SYNJ1: variants seen among roughly 807,000 people sequenced by gnomAD.
SYNJ1 encodes polyphosphatidylinositol phosphatase SYNJ1.
In SYNJ1, 78 loss-of-function variants were observed where a neutral mutation model predicts 168.2. The observed-to-expected ratio is 0.46, with a 90% CI of 0.39 to 0.56. The LOEUF is 0.56. Ranked by LOEUF, SYNJ1 falls within the 20% of genes least tolerant of loss-of-function variation. The probability of loss-of-function intolerance (pLI) is 0.00; values close to 1 mark genes in which losing one functional copy is unlikely to be tolerated. For missense variants in SYNJ1, 1,303 were observed against 1,597.6 expected (o/e 0.82, Z 3.14); for synonymous variants, 539 against 548.6 (o/e 0.98, Z 0.24).
At chr21:32,700,643 TA>T (rs2042366700) in intron 3 of SYNJ1, among the ~76,000 whole-genome samples, 2 of 152,036 alleles carry the variant, frequency 1.3e-5, no homozygotes, top group South Asian at 2.1e-4. Flanking sequence ...CAACAGGAGC[TA>T]AAACTACGTC....
intron 15 of SYNJ1, among the ~76,000 whole-genome samples, chr21:32,667,558 T>C (rs2145934162): frequency 6.6e-6 from 1 of 152,284 alleles, no homozygotes; most frequent in African/African-American, 2.4e-5. Flanking sequence ...TTGCATTTGC[T>C]TGTCATGTCT....
chr21:32,716,364 T>C (rs1394072023), intron 2 of SYNJ1, among the ~76,000 whole-genome samples: 3 of 152,230 alleles, frequency 2.0e-5, no homozygotes, highest in African/African-American at 7.2e-5. Context: ...TTAGCTCATA[T>C]TTTTTCAACC....
chr21:32,706,521 A>AG lies in SYNJ1; in HGVS notation c.125-4475dup, dbSNP rs1196909201. Reference sequence around the variant, plus strand: ...CAAAAAAAAAAAAAAAGAAGTCCAGAGGAAAAAAAGTTATTTGTACTATAC... The same window carrying AG: ...CAAAAAAAAAAAAAAAGAAGTCCAGAGGGAAAAAAAGTTATTTGTACTATAC... On this transcript the variant is annotated intron_variant, in intron 2 of 32. Coordinates refer to ENST00000674351, the MANE Select transcript of SYNJ1 (RefSeq NM_203446.3). Among the ~76,000 whole-genome samples the AG allele has an allele frequency of 5.9e-5, 9 of 151,688 alleles. No homozygotes were observed. In the East Asian group the frequency reaches 1.5e-3, roughly 26 times the overall value.
chr21:32,691,711 A>C (rs927020746), intron 6 of SYNJ1, among the ~76,000 whole-genome samples: 4 of 152,204 alleles, frequency 2.6e-5, no homozygotes, highest in African/African-American at 9.6e-5. Context: ...AAACAAATTC[A>C]TCTTGGTATT....
At chr21:32,703,302 T>TA (rs1294711447) in intron 2 of SYNJ1, among the ~76,000 whole-genome samples, 2 of 152,252 alleles carry the variant, frequency 1.3e-5, no homozygotes, top group Non-Finnish European at 1.5e-5. Flanking sequence ...GCCAACCCGT[T>TA]AAAGTGATGG....
intron 2 of SYNJ1, among the ~76,000 whole-genome samples, chr21:32,716,076 A>T (rs548882225): frequency 6.6e-4 from 100 of 152,348 alleles, no homozygotes; most frequent in African/African-American, 2.3e-3. Context: ...AAAAGATAAA[A>T]TACAAATTCT....
intron 27 of SYNJ1, among the ~76,000 whole-genome samples, chr21:32,642,979 A>G (rs2039907676): frequency 6.6e-6 from 1 of 152,226 alleles, no homozygotes; most frequent in South Asian, 2.1e-4. Flanking sequence ...TAGCTATGTT[A>G]TCTGAAATCA....
intron 22 of SYNJ1, among the ~76,000 whole-genome samples, chr21:32,652,233 C>T (rs1601290133): frequency 1.3e-5 from 2 of 151,032 alleles, no homozygotes; most frequent in African/African-American, 4.9e-5. Flanking sequence ...CAGAGTCTCG[C>T]TCTGTTGCCC....
At chr21:32,651,491 T>C (rs2040267628) in intron 22 of SYNJ1, among the ~76,000 whole-genome samples, 1 of 152,230 alleles carries the variant, frequency 6.6e-6, no homozygotes, top group Non-Finnish European at 1.5e-5. Flanking sequence ...ATCCTTTACT[T>C]GCCAAGTAGA....
chr21:32,708,247 A>G (rs1244110534), intron 2 of SYNJ1, among the ~76,000 whole-genome samples: 2 of 152,192 alleles, frequency 1.3e-5, no homozygotes, highest in Non-Finnish European at 2.9e-5. Flanking sequence ...AGCTCAGAGG[A>G]AACAAACTGA....
rs932881262 is a variant in SYNJ1, at chr21:32,727,984, G to C, written c.-61C>G. The C allele has an allele frequency of 2.6e-6, 4 of 1,535,128 alleles. No homozygotes were observed. The highest frequency in any genetic ancestry group is 3.5e-6 in the Non-Finnish European group (4 of 1,145,838). ...TCCTCCTCCTCCTTCTCCCGCAGCC[G>C]CCGCCACAGCCGCCGGGAGCGTCAC... is the stretch of plus-strand genomic sequence containing the variant. On this transcript the variant is annotated 5_prime_UTR_variant, in exon 1 of 33. Coordinates refer to ENST00000674351, the MANE Select transcript of SYNJ1 (RefSeq NM_203446.3).
intron 6 of SYNJ1, among the ~76,000 whole-genome samples, chr21:32,690,980 G>A (rs1328313142): frequency 6.6e-6 from 1 of 152,128 alleles, no homozygotes; most frequent in Non-Finnish European, 1.5e-5. Context: ...TGTGTGGTAT[G>A]GTATATCATT....
At chr21:32,695,432 A>G (rs901079782) in intron 4 of SYNJ1, 150 bp from the exon 5 acceptor site, 3 of 754,344 alleles carry the variant, frequency 4.0e-6, no homozygotes, top group African/African-American at 3.5e-5. Context: ...TATGCTAGGG[A>G]TCAGAAGATA....
intron 4 of SYNJ1, among the ~76,000 whole-genome samples, chr21:32,697,570 G>A (rs118025352): frequency 6.6e-6 from 1 of 151,872 alleles, no homozygotes; most frequent in African/African-American, 2.4e-5. Context: ...AGGCTAAGGT[G>A]GGGGGGATCA....
chr21:32,695,181 G>A lies in SYNJ1; in HGVS notation c.581C>T (p.Ala194Val). ...GCAAGCCTTCGCCTGTTTATGAGCA[G>A]CATAAATTGTTCTGATTTCTACTCC... ...CGGVEIRTIY[A>V]AHKQAKACLI... Residue 194 changes from alanine (A) to valine (V), a missense_variant, in exon 5 of 33, where the codon GCT becomes GTT. Around this residue, in one of 2 missense-constraint regions of SYNJ1, gnomAD observed 920 missense variants for 1,208.8 expected, o/e 0.76. Coordinates refer to ENST00000674351, the MANE Select transcript of SYNJ1 (RefSeq NM_203446.3). 6.2e-7 allele frequency: 1 copy of A among 1,614,088 alleles called. No individual in the cohort carries two copies. Among genetic ancestry groups the A allele is most frequent in the East Asian group, 2.2e-5 (1 of 44,868 alleles).
chr21:32,705,417 G>A (rs2042572615), intron 2 of SYNJ1, among the ~76,000 whole-genome samples: 1 of 152,022 alleles, frequency 6.6e-6, no homozygotes, highest in African/African-American at 2.4e-5. Context: ...GCAAAGGCAG[G>A]GACAAAATGA....
chr21:32,726,855 T>C lies in SYNJ1; in HGVS notation c.41A>G (p.Asp14Gly), dbSNP rs565807712. The change falls in exon 2 of 33, where the codon GAT (aspartate) becomes GGT (glycine). Residue 14 changes from aspartate (D) to glycine (G), a missense_variant. Physicochemically the swap from Asp to Gly is moderately conservative, Grantham distance 94. Transcript: ENST00000674351. ...SKGFRIYHKL[D>G]PPPFSLIVET... is the part of the protein sequence containing the mutation. ...CACTATGAGGCTGAAAGGTGGGGGA[T>C]CCAATTTGTGATAGATCCGGAATCC... is the stretch of plus-strand genomic sequence containing the variant. 170 of 1,614,126 alleles carry C rather than the reference T, an allele frequency of 1.1e-4. 1 individual carries two copies. In the South Asian group the frequency reaches 1.6e-3, roughly 15 times the overall value.
rs2040078115 is a variant in SYNJ1, at chr21:32,646,532, G to A, written c.3108C>T (p.Ser1036=). The A allele has an allele frequency of 6.2e-7, 1 of 1,614,124 alleles. No homozygotes were observed. The highest frequency in any genetic ancestry group is 8.5e-7 in the Non-Finnish European group (1 of 1,180,002). The stretch of plus-strand genomic sequence containing the variant: ...AAGAGCTGGGGGAAGTACCAAGGCC[G>A]GAACTTGAAGATGGCTGGAGATGCT... ...LPQHLQPSSS[S]GLGTSPSSSP... is the part of the protein sequence containing the mutation. The change falls in exon 24 of 33, where the codon TCC becomes TCT. Residue 1036 remains serine (S), a synonymous_variant. Transcript: ENST00000674351.
chr21:32,688,427 T>G, intron 6 of SYNJ1, 60 bp from the exon 7 acceptor site: 3 of 1,329,590 alleles, frequency 2.3e-6, no homozygotes, highest in Non-Finnish European at 3.2e-6. Context: ...GAAAGAAATA[T>G]CACTGCTTAC....
Sources: allele counts gnomAD v4.1 joint callset (sites outside exome capture counted in the v4.1 genomes callset), GRCh38; gene constraint gnomAD v4.1.1; regional missense constraint gnomAD v4.1.1; transcripts MANE v1.5; gene names NCBI Gene and HGNC (gene_info 2026-07-23, HGNC 2026-07-21).